Variants in KRT16 observed in about 807,000 individuals in gnomAD.
KRT16 encodes the protein keratin 16, also known as keratin, type I cytoskeletal 16.
In KRT16, 42 loss-of-function variants were observed where a neutral mutation model predicts 44.8. The ratio of observed to expected loss-of-function variants is 0.94; its 90% CI spans 0.73 to 1.21. The LOEUF (loss-of-function observed/expected upper bound fraction) is 1.21. Among genes scored for constraint, KRT16 ranks in the 50% most tolerant of loss-of-function variants. The pLI is 0.00. For missense variants in KRT16, 561 were observed against 626.9 expected, an observed-to-expected ratio of 0.89 and a Z score of 1.12; for synonymous variants, 226 against 260.4, an observed-to-expected ratio of 0.87 and a Z score of 1.27.
intron 1 of KRT16, 163 bp downstream of exon 1, chr17:41,611,995 T>C: frequency 1.1e-6 from 1 of 936,720 alleles, no homozygotes; most frequent in South Asian, 1.3e-5. Flanking sequence ...GGCACAGAGA[T>C]ACTGAAAAGG....
At position 41,612,267 on chromosome 17, in the gene KRT16, G is replaced by A. The variant is rs771112338; in HGVS notation, c.422C>T (p.Ala141Val). ...GATCTTCACTTCCAGGTCGGCGTTG[G>A]CCTCCTCCAGAGCACGCACCTTGTC... is the stretch of plus-strand genomic sequence containing the variant. ...YLDKVRALEEANADLEVKIRD... is the reference protein window; with the variant it reads ...YLDKVRALEEVNADLEVKIRD... The change falls in exon 1 of 8, where the codon GCC becomes GTC. Residue 141 changes from alanine to valine, a missense_variant. Transcript: ENST00000301653. The A allele has an allele frequency of 5.6e-6, 9 of 1,613,804 alleles. No homozygotes were observed. In the African/African-American group the frequency reaches 1.1e-4, roughly 19 times the overall value.
At chr17:41,611,323 C>T (rs180738664) in intron 3 of KRT16, 22 bp downstream of exon 3, 134 of 1,614,048 alleles carry the variant, frequency 8.3e-5, no homozygotes, top group Middle Eastern at 6.6e-4. Flanking sequence ...CCTCCCACCC[C>T]GGAAGCCAGC....
At chr17:41,610,689 C>T in intron 5 of KRT16, 138 bp from the exon 6 acceptor site, 1 of 1,457,818 alleles carries the variant, frequency 6.9e-7, no homozygotes, top group East Asian at 2.3e-5. Context: ...TGGAGAAAAG[C>T]TAGCCCACTA....
rs1338121048 is a variant in KRT16, at chr17:41,612,399, C to A, written c.290G>T (p.Gly97Val). 6.2e-7 allele frequency: 1 copy of A among 1,614,172 alleles called. No individual in the cohort carries two copies. Among genetic ancestry groups the A allele is most frequent in the Non-Finnish European group, 8.5e-7 (1 of 1,180,042 alleles). ...ACCACCACCAAAGCCAGCACCCAAG[C>A]CACCACCGAAGCCAGCACCAAGGCC... ...GGGLGAGFGG[G>V]LGAGFGGGFA... The change falls in exon 1 of 8, where the codon GGC (glycine) becomes GTC (valine). Residue 97 changes from glycine (G) to valine (V), a missense_variant. Transcript: ENST00000301653.
rs1307719812 is a variant in KRT16 at position 41,612,492 on chromosome 17, C to T, written c.197G>A (p.Gly66Asp). Residue 66 changes from glycine to aspartate, a missense_variant, in exon 1 of 8, where the codon GGC becomes GAC. Transcript: ENST00000301653. ...GCTGCTGAAGCCACCGCCATAGCCG[C>T]CCCCCAGCCCGCAGGCTCCCCCAGA... ...FSSGGACGLG[G>D]GYGGGFSSSS... 6.2e-7 allele frequency: 1 copy of T among 1,606,670 alleles called. No homozygotes were observed. The highest frequency in any genetic ancestry group is 8.5e-7 in the Non-Finnish European group (1 of 1,176,780).
At position 41,610,912 on chromosome 17, in the gene KRT16, G is replaced by A. The variant is rs769839631; in HGVS notation, c.1001C>T (p.Thr334Met). 1.5e-5 allele frequency: 24 copies of A among 1,614,024 alleles called. No individual in the cohort carries two copies. The highest frequency in any genetic ancestry group is 3.3e-5 in the Admixed American group (2 of 60,008). The stretch of plus-strand genomic sequence containing the variant: ...GCCCTGGAGCACCCTCCGGAGCTCC[G>A]TCACCTCACTGCGGCTGCTCTGTAC... The part of the protein sequence containing the change: ...ELVQSSRSEV[T>M]ELRRVLQGLE... The change falls in exon 5 of 8, where the codon ACG becomes ATG. Residue 334 changes from threonine to methionine, a missense_variant. Thr to Met is a moderately conservative substitution (Grantham distance 81, BLOSUM62 -1). Transcript: ENST00000301653.
rs747321787 is a variant in KRT16 at position 41,611,350 on chromosome 17, C to T, written c.766G>A (p.Glu256Lys). ...GAAGCCAGCAGCGACCGTACCTCCT[C>T]GTGGTTCTTCCTCAGGTAGGCCAGC... ...EELAYLRKNH[E>K]EEMLALRGQT... Residue 256 changes from glutamate (E) to lysine (K), a missense_variant, in exon 3 of 8, where the codon GAG (glutamate) becomes AAG (lysine). By Grantham distance (56) the Glu-to-Lys change is moderately conservative. Transcript: ENST00000301653. The T allele has an allele frequency of 1.7e-5, 28 of 1,614,152 alleles. No individual in the cohort carries two copies. Among genetic ancestry groups the T allele is most frequent in the East Asian group, 6.7e-5 (3 of 44,876 alleles).
In KRT16 at chr17:41,611,489, T is replaced by A. The variant is rs201633520; in HGVS notation, c.627A>T (p.Glu209Asp). The change falls in exon 3 of 8, where the codon GAA becomes GAT. Residue 209 changes from glutamate (E) to aspartate (D), a missense_variant. Physicochemically the swap from Glu to Asp is conservative, Grantham distance 45. Coordinates refer to ENST00000301653, the MANE Select transcript of KRT16 (RefSeq NM_005557.4). ...ADDFRTKYEHELALRQTVEAD... is the reference protein window; with the variant it reads ...ADDFRTKYEHDLALRQTVEAD... ...CCTCCACAGTCTGCCGCAGGGCCAG[T>A]TCATGCTCATACCTGGCAGGACAGA... 67 of 1,613,776 alleles carry A rather than the reference T, an allele frequency of 4.2e-5. No individual in the cohort carries two copies. The highest frequency in any genetic ancestry group is 4.3e-5 in the Non-Finnish European group (51 of 1,180,022).
chr17:41,612,336 T>C lies in KRT16; in HGVS notation c.353A>G (p.Lys118Arg), dbSNP rs749905693. ...GTCATTGAGGTTCTGCATGGTCACC[T>C]TCTCACTGCCCACCAGAAGCCCATC... ...GGDGLLVGSE[K>R]VTMQNLNDRL... Residue 118 changes from lysine to arginine, a missense_variant, in exon 1 of 8, where the codon AAG becomes AGG. Lys to Arg is a conservative substitution (Grantham distance 26, BLOSUM62 2). Transcript: ENST00000301653. 4 of 1,614,096 alleles carry C rather than the reference T, an allele frequency of 2.5e-6. No homozygotes were observed. Among genetic ancestry groups the C allele is most frequent in the African/African-American group, 1.3e-5 (1 of 75,016 alleles).
chr17:41,612,742 G>A lies in KRT16; in HGVS notation c.-54C>T. 1.9e-6 allele frequency: 3 copies of A among 1,542,698 alleles called. No homozygotes were observed. Among genetic ancestry groups the A allele is most frequent in the Non-Finnish European group, 1.7e-6 (2 of 1,149,020 alleles). ...GCAGTTGGCTGAAAGAAGGAAAGGT[G>A]CTCAGGAAGGCTGAGAGCGTGCTGT... On this transcript the variant is annotated 5_prime_UTR_variant, in exon 1 of 8. Transcript: ENST00000301653.
At position 41,610,338 on chromosome 17, in the gene KRT16, C is replaced by G; in HGVS notation, c.1273G>C (p.Asp425His). 1 of 1,613,006 alleles carries G rather than the reference C, an allele frequency of 6.2e-7. No individual in the cohort carries two copies. The highest frequency in any genetic ancestry group is 1.3e-5 in the African/African-American group (1 of 75,014). The change falls in exon 6 of 8, where the codon GAT becomes CAT. Residue 425 changes from aspartate to histidine, a missense_variant. Transcript: ENST00000301653. ...GAGGGGCCTGGGACTCACTGGGCATCCTCGCCCTCCAGCAGGCGGCGGTAG... is the reference window on the plus strand; with the variant it reads ...GAGGGGCCTGGGACTCACTGGGCATGCTCGCCCTCCAGCAGGCGGCGGTAG... ...ATYRRLLEGE[D>H]AHLSSQQASG...
chr17:41,612,567 C>G lies in KRT16; in HGVS notation c.122G>C (p.Arg41Pro), dbSNP rs1133106. The change falls in exon 1 of 8, where the codon CGT (arginine) becomes CCT (proline). Residue 41 changes from arginine to proline, a missense_variant. Coordinates refer to ENST00000301653, the MANE Select transcript of KRT16 (RefSeq NM_005557.4). ...GCCGCCCCCGTAGGTGCTGGGGGCA[C>G]GGCAGGACCCTCCGGCCAGGACGGA... is the stretch of plus-strand genomic sequence containing the variant. Reference protein sequence around the residue: ...ISSVLAGGSCRAPSTYGGGLS... With the variant: ...ISSVLAGGSCPAPSTYGGGLS... 1 of 1,594,688 alleles carries G rather than the reference C, an allele frequency of 6.3e-7. No homozygotes were observed. Among genetic ancestry groups the G allele is most frequent in the South Asian group, 1.1e-5 (1 of 89,428 alleles).
rs201289840 is a variant in KRT16 at position 41,612,564 on chromosome 17, G to T, written c.125C>A (p.Ala42Asp). Reference sequence around the variant, plus strand: ...CAGGCCGCCCCCGTAGGTGCTGGGGGCACGGCAGGACCCTCCGGCCAGGAC... The same window carrying T: ...CAGGCCGCCCCCGTAGGTGCTGGGGTCACGGCAGGACCCTCCGGCCAGGAC... Reference protein sequence around the residue: ...SSVLAGGSCRAPSTYGGGLSV... With the variant: ...SSVLAGGSCRDPSTYGGGLSV... The change falls in exon 1 of 8, where the codon GCC (alanine) becomes GAC (aspartate). Residue 42 changes from alanine (A) to aspartate (D), a missense_variant. Physicochemically the swap from Ala to Asp is moderately radical, Grantham distance 126. Transcript: ENST00000301653. 121 of 1,594,778 alleles carry T rather than the reference G, an allele frequency of 7.6e-5. No homozygotes were observed. The highest frequency in any genetic ancestry group is 9.8e-5 in the Non-Finnish European group (115 of 1,171,164).
At position 41,610,871 on chromosome 17, in the gene KRT16, G is replaced by T. The variant is rs1479300904; in HGVS notation, c.1042C>A (p.Gln348Lys). 6.2e-7 allele frequency: 1 copy of T among 1,613,990 alleles called. No individual in the cohort carries two copies. The highest frequency in any genetic ancestry group is 1.7e-5 in the Admixed American group (1 of 60,026). The change falls in exon 5 of 8, where the codon CAG (glutamine) becomes AAG (lysine). Residue 348 changes from glutamine (Q) to lysine (K), a missense_variant. Gln to Lys is a moderately conservative substitution (Grantham distance 53, BLOSUM62 1). Coordinates refer to ENST00000301653, the MANE Select transcript of KRT16 (RefSeq NM_005557.4). ...RVLQGLEIEL[Q>K]SQLSMKASLE... The stretch of plus-strand genomic sequence containing the variant: ...CTTCATACCATGCTGAGCTGGGACT[G>T]CAGCTCAATCTCCAGGCCCTGGAGC...
At position 41,612,729 on chromosome 17, in the gene KRT16, A is replaced by G; in HGVS notation, c.-41T>C. On this transcript the variant is annotated 5_prime_UTR_variant, in exon 1 of 8. Coordinates refer to ENST00000301653, the MANE Select transcript of KRT16 (RefSeq NM_005557.4). ...GGTGAGCGAGTGAGCAGTTGGCTGAAAGAAGGAAAGGTGCTCAGGAAGGCT... is the reference window on the plus strand; with the variant it reads ...GGTGAGCGAGTGAGCAGTTGGCTGAGAGAAGGAAAGGTGCTCAGGAAGGCT... The G allele has an allele frequency of 6.4e-7, 1 of 1,552,082 alleles. No homozygotes were observed. The highest frequency in any genetic ancestry group is 1.2e-5 in the South Asian group (1 of 85,086).
In KRT16 at chr17:41,610,450, G is replaced by A. The variant is rs746390259; in HGVS notation, c.1161C>T (p.Ala387=). ...GCTGCTCCATCTCACAGCGTAGCTGGGCCAGCTGCTCCTCCACACTGCCAA... is the reference window on the plus strand; with the variant it reads ...GCTGCTCCATCTCACAGCGTAGCTGAGCCAGCTGCTCCTCCACACTGCCAA... ...GLIGSVEEQL[A]QLRCEMEQQS... The change falls in exon 6 of 8, where the codon GCC becomes GCT. Residue 387 remains alanine, a synonymous_variant. Transcript: ENST00000301653. 1.9e-6 allele frequency: 3 copies of A among 1,612,150 alleles called. No individual in the cohort carries two copies. Among genetic ancestry groups the A allele is most frequent in the South Asian group, 1.1e-5 (1 of 90,992 alleles).
In KRT16 at chr17:41,609,888, G is replaced by A; in HGVS notation, c.*47C>T. On this transcript the variant is annotated 3_prime_UTR_variant, in exon 8 of 8. Coordinates refer to ENST00000301653, the MANE Select transcript of KRT16 (RefSeq NM_005557.4). ...GGGTCCTGACCCGGGCCTTCAGGAG[G>A]TGAGGCCAGCTGGTGGGCAGGAGGC... The A allele has an allele frequency of 1.3e-6, 2 of 1,542,198 alleles. No individual in the cohort carries two copies. Among genetic ancestry groups the A allele is most frequent in the Admixed American group, 1.7e-5 (1 of 59,400 alleles).
chr17:41,610,804 T>C, intron 5 of KRT16, 50 bp downstream of exon 5: 1 of 1,612,114 alleles, frequency 6.2e-7, no homozygotes, highest in Non-Finnish European at 8.5e-7. Flanking sequence ...GAGGGGGTGG[T>C]GGCCATTACT....
chr17:41,612,443 G>A lies in KRT16; in HGVS notation c.246C>T (p.Phe82=), dbSNP rs377639708. The change falls in exon 1 of 8, where the codon TTC becomes TTT. Residue 82 remains phenylalanine, a synonymous_variant. Coordinates refer to ENST00000301653, the MANE Select transcript of KRT16 (RefSeq NM_005557.4). ...CAAGGCCACCACCATATCCTCCCCC[G>A]AAGCCACTACCAAAGCTGCTGCTGC... ...FSSSSSFGSG[F]GGGYGGGLGA... is the part of the protein sequence containing the mutation. 3.0e-4 allele frequency: 490 copies of A among 1,613,168 alleles called. 3 individuals carry two copies. The African/African-American group carries it at 5.1e-3, about 17-fold the overall frequency.
Sources: allele counts gnomAD v4.1 joint callset, GRCh38; gene constraint gnomAD v4.1.1; transcripts MANE v1.5; gene names NCBI Gene and HGNC (gene_info 2026-07-23, HGNC 2026-07-21).